The following GCN1 variants were observed in gnomAD, a reference collection of about 807,000 sequenced individuals.
GCN1 encodes the protein GCN1 activator of EIF2AK4, also known as stalled ribosome sensor GCN1.
Under a neutral mutation model 288.4 loss-of-function variants are expected in GCN1, and 90 were observed. That is an observed-to-expected ratio of 0.31 (90% CI 0.26 to 0.37). The LOEUF is 0.37. GCN1 is among the 10% of genes least tolerant of loss of function. The probability of loss-of-function intolerance (pLI) is 1.00; values close to 1 mark genes in which losing one functional copy is unlikely to be tolerated. For missense variants in GCN1, 2,586 were observed against 3,419.9 expected (o/e 0.76, Z 6.08); for synonymous variants, 1,386 against 1,420.2 (o/e 0.98, Z 0.54).
chr12:120,132,064 C>T (rs1026458731), intron 53 of GCN1, 42 bp from the exon 54 acceptor site: 1 of 1,322,676 alleles, frequency 7.6e-7, no homozygotes, highest in Non-Finnish European at 1.1e-6. Context: ...CAGGGAACAA[C>T]ACCAGCTGTG....
chr12:120,176,439 G>A (rs1192150237), intron 9 of GCN1, among the ~76,000 whole-genome samples: 1 of 152,138 alleles, frequency 6.6e-6, no homozygotes, highest in Non-Finnish European at 1.5e-5. Context: ...ATTTTACTAA[G>A]ATACACAGGG....
chr12:120,130,733 C>T lies in GCN1; in HGVS notation c.7584G>A (p.Gly2528=), dbSNP rs779611551. The part of the protein sequence containing the change: ...TADRIPIAVS[G]VRGMGFLMRH... ...TCATGAGAAAGCCCATGCCCCGGAC[C>T]CCGCTCACCGCAATGGGGATCTGTG... Residue 2528 remains glycine (G), a synonymous_variant, in exon 56 of 58, where the codon GGG becomes GGA. Coordinates refer to ENST00000300648, the MANE Select transcript of GCN1 (RefSeq NM_006836.2). The T allele has an allele frequency of 3.1e-6, 5 of 1,613,512 alleles. No homozygotes were observed. Among genetic ancestry groups the T allele is most frequent in the Non-Finnish European group, 2.5e-6 (3 of 1,179,532 alleles).
chr12:120,154,919 T>C (rs1031456603), intron 31 of GCN1, 51 bp downstream of exon 31: 1 of 1,515,056 alleles, frequency 6.6e-7, no homozygotes, highest in Non-Finnish European at 9.2e-7. Context: ...CCAGCCAACC[T>C]GCCACATCTC....
In GCN1 at chr12:120,147,237, G is replaced by A. The variant is rs1877391020; in HGVS notation, c.4762C>T (p.Pro1588Ser). ...AAGCACTTCTGGGTCTTCCTGGAGG[G>A]ATCCGTCAGGGCATCCAGGAGGACT... Reference protein sequence around the residue: ...APVLLDALTDPSRKTQKCLQT... With the variant: ...APVLLDALTDSSRKTQKCLQT... The change falls in exon 38 of 58, where the codon CCC becomes TCC. Residue 1588 changes from proline to serine, a missense_variant. Pro to Ser is a moderately conservative substitution (Grantham distance 74). Transcript: ENST00000300648. 6.2e-7 allele frequency: 1 copy of A among 1,607,892 alleles called. No individual in the cohort carries two copies. Among genetic ancestry groups the A allele is most frequent in the Non-Finnish European group, 8.5e-7 (1 of 1,175,342 alleles).
intron 57 of GCN1, among the ~76,000 whole-genome samples, chr12:120,128,718 A>T (rs1316036323): frequency 6.6e-6 from 1 of 151,234 alleles, no homozygotes; most frequent in African/African-American, 2.4e-5. Context: ...CTCTCCTGGG[A>T]TCTGCTATGT....
At position 120,138,723 on chromosome 12, in the gene GCN1, T is replaced by TCCTCCAGAG; in HGVS notation, c.6119_6127dup (p.Ala2040_Glu2042dup). The stretch of plus-strand genomic sequence containing the variant: ...CTGCTTTAGTAAAAATGGGAGAATG[T>TCCTCCAGAG]CCTCCAGAGCCTGGTGGCCGATGGT... On this transcript the variant is annotated inframe_insertion, in exon 46 of 58. Coordinates refer to ENST00000300648, the MANE Select transcript of GCN1 (RefSeq NM_006836.2). 1 of 1,614,106 alleles carries TCCTCCAGAG rather than the reference T, an allele frequency of 6.2e-7. No individual in the cohort carries two copies. The highest frequency in any genetic ancestry group is 8.5e-7 in the Non-Finnish European group (1 of 1,179,936).
Position 120,142,586 on chromosome 12 carries a change from C to CG in GCN1, c.5749dup (p.Arg1917ProfsTer5), listed in dbSNP as rs1566300826. 1 of 1,613,868 alleles carries CG rather than the reference C, an allele frequency of 6.2e-7. No individual in the cohort carries two copies. The highest frequency in any genetic ancestry group is 1.1e-5 in the South Asian group (1 of 91,078). On this transcript the variant is annotated frameshift_variant, in exon 44 of 58. Coordinates refer to ENST00000300648, the MANE Select transcript of GCN1 (RefSeq NM_006836.2). LOFTEE classifies it high-confidence loss of function. The surrounding 1 kb of genome is among the most constrained non-coding windows in gnomAD (Gnocchi z 4.9). The stretch of plus-strand genomic sequence containing the variant: ...AGTGGGTAGGATCTCACGCAAGGTG[C>CG]GGGGGGTATTGGAGACAACAATCTT...
At chr12:120,182,331 CATCA>C (rs1878691984) in intron 5 of GCN1, among the ~76,000 whole-genome samples, 1 of 152,158 alleles carries the variant, frequency 6.6e-6, no homozygotes, top group African/African-American at 2.4e-5. Flanking sequence ...TCTAATCCAT[CATCA>C]ATCAATTATA....
intron 5 of GCN1, among the ~76,000 whole-genome samples, chr12:120,181,191 C>T (rs1281414281): frequency 6.6e-6 from 1 of 151,942 alleles, no homozygotes; most frequent in Non-Finnish European, 1.5e-5. Flanking sequence ...ACTGGCTGGG[C>T]GTGGTGACTC....
Position 120,140,941 on chromosome 12 carries a change from C to G in GCN1, c.5912G>C (p.Gly1971Ala), listed in dbSNP as rs1040009340. 1.4e-5 allele frequency: 23 copies of G among 1,613,898 alleles called. No homozygotes were observed. Among genetic ancestry groups the G allele is most frequent in the Non-Finnish European group, 1.9e-5 (22 of 1,179,888 alleles). Residue 1971 changes from glycine (G) to alanine (A), a missense_variant, in exon 45 of 58, where the codon GGC becomes GCC. Transcript: ENST00000300648. ...LPEIIPILEE[G>A]LRSQKSDERQ... ...CTCATCGCTCTTCTGAGACCTCAGGCCTTCCTCAAGGATGGGGATGATCTC... is the reference window on the plus strand; with the variant it reads ...CTCATCGCTCTTCTGAGACCTCAGGGCTTCCTCAAGGATGGGGATGATCTC...
chr12:120,149,033 C>A (rs1375720374), intron 36 of GCN1, among the ~76,000 whole-genome samples: 1 of 149,940 alleles, frequency 6.7e-6, no homozygotes, highest in Non-Finnish European at 1.5e-5. Flanking sequence ...ATTGCCCAGG[C>A]TGGTCTAAAT....
At chr12:120,184,975 GC>G (rs1458917183) in intron 2 of GCN1, 88 bp from the exon 3 acceptor site, 2 of 849,342 alleles carry the variant, frequency 2.4e-6, no homozygotes, top group African/African-American at 3.3e-5. Flanking sequence ...CATGATCTCA[GC>G]CCACTGGACA....
In GCN1 at chr12:120,158,432, G is replaced by C; in HGVS notation, c.2905+28C>G. The C allele has an allele frequency of 6.6e-7, 1 of 1,523,858 alleles. No individual in the cohort carries two copies. The highest frequency in any genetic ancestry group is 8.8e-7 in the Non-Finnish European group (1 of 1,131,900). 94.4% of individuals were successfully genotyped at this position (1,523,858 alleles called of 1,614,324 possible). ...TCCTGGCACCAGCTCACACCGCCTG[G>C]TGCCCCTGATCCCGTCCCAGCCCTT... On this transcript the variant is annotated intron_variant, in intron 25 of 57. Coordinates refer to ENST00000300648, the MANE Select transcript of GCN1 (RefSeq NM_006836.2). This position sits in a 1 kb window ranked among gnomAD's most constrained non-coding sequence, Gnocchi z 4.3.
chr12:120,167,347 C>T (rs1352731682), intron 16 of GCN1, among the ~76,000 whole-genome samples: 1 of 119,000 alleles, frequency 8.4e-6, no homozygotes, highest in Non-Finnish European at 1.7e-5. Flanking sequence ...AACGAAACTC[C>T]ATCTCAAAAA....
intron 45 of GCN1, among the ~76,000 whole-genome samples, chr12:120,139,928 C>T (rs1877135680): frequency 6.6e-6 from 1 of 152,216 alleles, no homozygotes; most frequent in African/African-American, 2.4e-5. Context: ...GATCCCAGCA[C>T]AGCAAAGCCC....
chr12:120,194,689 C>T lies in GCN1; in HGVS notation c.9G>A (p.Ala3=), dbSNP rs1253873317. The change falls in exon 1 of 58, where the codon GCG becomes GCA. Residue 3 remains alanine (A), a synonymous_variant. Transcript: ENST00000300648. Reference sequence around the variant, plus strand: ...CAGCCGCCCGCCTCACCTGCGTGTCCGCCGCCATCCTGCCGGGGCTGACTC... The same window carrying T: ...CAGCCGCCCGCCTCACCTGCGTGTCTGCCGCCATCCTGCCGGGGCTGACTC... The part of the protein sequence containing the change: MA[A]DTQVSETLKR... 3.3e-6 allele frequency: 5 copies of T among 1,512,626 alleles called. No individual in the cohort carries two copies. Among genetic ancestry groups the T allele is most frequent in the Admixed American group, 4.1e-5 (2 of 49,214 alleles). The allele number at this position is 1,512,626 out of a possible 1,614,324, so 93.7% of individuals were successfully genotyped here.
chr12:120,188,363 G>A (rs1411147706), intron 2 of GCN1, among the ~76,000 whole-genome samples: 1 of 151,620 alleles, frequency 6.6e-6, no homozygotes, highest in African/African-American at 2.4e-5. Flanking sequence ...GAACCCGGGA[G>A]GCGGAGGTTG....
At chr12:120,143,072 A>AG in intron 42 of GCN1, 131 bp from the exon 43 acceptor site, 1 of 588,446 alleles carries the variant, frequency 1.7e-6, no homozygotes, top group Non-Finnish European at 3.1e-6. Flanking sequence ...GGGAAGAGTC[A>AG]GGTGGTTTAC....
chr12:120,175,261 C>T, intron 11 of GCN1, 49 bp from the exon 12 acceptor site: 2 of 1,508,724 alleles, frequency 1.3e-6, no homozygotes, highest in South Asian at 2.3e-5. Context: ...CCACATTTCC[C>T]AAGAGAGTGA....
Sources: gnomAD v4.1 joint callset for allele counts (sites outside exome capture counted in the v4.1 genomes callset) on GRCh38, gnomAD v4.1.1 for gene constraint, Gnocchi (gnomAD v3.1) non-coding constraint, MANE v1.5 for transcripts, NCBI Gene and HGNC (gene_info 2026-07-23, HGNC 2026-07-21) for gene names.